Variants in PLEKHA7 observed in about 807,000 individuals in gnomAD.
PLEKHA7 encodes pleckstrin homology domain containing A7, also known as pleckstrin homology domain-containing family A member 7.
Under a neutral mutation model 170.0 loss-of-function variants are expected in PLEKHA7, and 104 were observed. The ratio of observed to expected loss-of-function variants is 0.61; its 90% CI spans 0.52 to 0.72. The LOEUF (loss-of-function observed/expected upper bound fraction) is 0.72, where lower values mean the gene tolerates loss of function less well. PLEKHA7 is among the 30% of genes least tolerant of loss of function. The pLI, the probability that PLEKHA7 is intolerant of heterozygous loss-of-function variation, is 0.00. For synonymous variants in PLEKHA7, 648 were observed against 660.8 expected (o/e 0.98, Z 0.30); for missense variants, 1,615 against 1,671.7 (o/e 0.97, Z 0.59).
At chr11:17,002,875 A>G (rs1168792793) in intron 3 of PLEKHA7, among the ~76,000 whole-genome samples, 15 of 149,808 alleles carry the variant, frequency 1.0e-4, no homozygotes. Flanking sequence ...TCTGTCATCC[A>G]CTCCTTCCCC....
At chr11:16,782,441 C>T (rs1470244367) in intron 26 of PLEKHA7, among the ~76,000 whole-genome samples, 1 of 152,198 alleles carries the variant, frequency 6.6e-6, no homozygotes, top group Non-Finnish European at 1.5e-5. Context: ...CTTGAAAAAC[C>T]TGTTCTTAGC....
intron 25 of PLEKHA7, 78 bp from the exon 26 acceptor site, chr11:16,782,974 T>A: frequency 6.9e-7 from 1 of 1,441,298 alleles, no homozygotes; most frequent in Non-Finnish European, 9.3e-7. Context: ...CTCCCTGGCC[T>A]AGAGGTTCTC....
intron 3 of PLEKHA7, among the ~76,000 whole-genome samples, chr11:16,899,326 C>T (rs1442437631): frequency 3.3e-5 from 5 of 152,224 alleles, no homozygotes; most frequent in South Asian, 2.1e-4. Context: ...GAGAAACCCC[C>T]GTCTCTACTA....
intron 3 of PLEKHA7, among the ~76,000 whole-genome samples, chr11:16,978,212 G>A (rs1863191243): frequency 6.6e-6 from 1 of 152,202 alleles, no homozygotes; most frequent in Admixed American, 6.5e-5. Context: ...GTAAGAGAGG[G>A]AGAATCAGCC....
chr11:16,987,277 T>C (rs1863793107), intron 3 of PLEKHA7, among the ~76,000 whole-genome samples: 1 of 94,058 alleles, frequency 1.1e-5, no homozygotes, highest in South Asian at 3.9e-4. Context: ...CCCACTGACC[T>C]GGTGGCCAGC....
intron 4 of PLEKHA7, among the ~76,000 whole-genome samples, chr11:16,865,466 A>G (rs575451198): frequency 6.6e-6 from 1 of 152,268 alleles, no homozygotes; most frequent in East Asian, 1.9e-4. Context: ...GCTCATGCCT[A>G]TAATCCCAGC....
chr11:16,890,613 T>C (rs1856545333), intron 3 of PLEKHA7, among the ~76,000 whole-genome samples: 2 of 152,156 alleles, frequency 1.3e-5, no homozygotes, highest in South Asian at 4.1e-4. Flanking sequence ...GTATTAAGAG[T>C]TGTAGGACTG....
chr11:16,929,922 C>A (rs187017520), intron 3 of PLEKHA7, among the ~76,000 whole-genome samples: 2 of 151,700 alleles, frequency 1.3e-5, no homozygotes, highest in African/African-American at 2.4e-5. Flanking sequence ...GAGAATCACT[C>A]GAACCCGGGA....
chr11:16,844,702 T>C (rs1482517833), intron 8 of PLEKHA7, among the ~76,000 whole-genome samples: 1 of 152,214 alleles, frequency 6.6e-6, no homozygotes, highest in Non-Finnish European at 1.5e-5. Flanking sequence ...TAGGATATGG[T>C]TGGTCTCCTG....
At chr11:16,910,084 G>A (rs1456082128) in intron 3 of PLEKHA7, among the ~76,000 whole-genome samples, 1 of 152,152 alleles carries the variant, frequency 6.6e-6, no homozygotes, top group East Asian at 1.9e-4. Flanking sequence ...GTCTAGAATT[G>A]CTGTGCTGAG....
intron 9 of PLEKHA7, among the ~76,000 whole-genome samples, chr11:16,837,808 C>G (rs1255183652): frequency 6.6e-6 from 1 of 151,982 alleles, no homozygotes; most frequent in Non-Finnish European, 1.5e-5. Flanking sequence ...TGATCTTCAC[C>G]AGGAAAAAGG....
At position 17,011,551 on chromosome 11, in the gene PLEKHA7, G is replaced by C. The variant is rs1214173150; in HGVS notation, c.221+2438C>G. Among the ~76,000 whole-genome samples, 6 of 152,074 alleles carry C rather than the reference G, an allele frequency of 3.9e-5. No individual in the cohort carries two copies. In the East Asian group the frequency reaches 1.2e-3, roughly 29 times the overall value. On this transcript the variant is annotated intron_variant, in intron 3 of 26. Transcript: ENST00000531066. ...CTTCCACCTACTCCAGTCAGATTTTGTCCTTTAAGGCTTCTGTGACCATGC... is the reference window on the plus strand; with the variant it reads ...CTTCCACCTACTCCAGTCAGATTTTCTCCTTTAAGGCTTCTGTGACCATGC...
At chr11:17,005,043 T>G (rs1442071601) in intron 3 of PLEKHA7, among the ~76,000 whole-genome samples, 2 of 152,180 alleles carry the variant, frequency 1.3e-5, no homozygotes, top group Non-Finnish European at 2.9e-5. Context: ...CTCACTGAAT[T>G]GCCAAATATT....
chr11:16,980,890 AAAC>A (rs1158214554), intron 3 of PLEKHA7, among the ~76,000 whole-genome samples: 3 of 149,768 alleles, frequency 2.0e-5, no homozygotes, highest in Admixed American at 6.6e-5. Context: ...TCCATCTCAA[AAAC>A]AACAACAAAC....
At chr11:16,944,631 T>G (rs184793419) in intron 3 of PLEKHA7, among the ~76,000 whole-genome samples, 1 of 152,038 alleles carries the variant, frequency 6.6e-6, no homozygotes, top group African/African-American at 2.4e-5. Flanking sequence ...ATTCACTGAA[T>G]TGGACTGCTG....
chr11:16,952,335 C>T lies in PLEKHA7; in HGVS notation c.221+61654G>A, dbSNP rs571021889. ...CCACTGTTGCCTGGAATAAAAATGA[C>T]GGCAAAACTCAAGCAGCCATATTAA... On this transcript the variant is annotated intron_variant, in intron 3 of 26. Transcript: ENST00000531066. 1.9e-4 allele frequency among the ~76,000 whole-genome samples: 29 copies of T among 152,166 alleles called. 1 individual carries two copies. In the South Asian group the frequency reaches 5.6e-3, roughly 29 times the overall value.
At chr11:16,828,396 G>A (rs1590247202) in intron 9 of PLEKHA7, among the ~76,000 whole-genome samples, 1 of 152,154 alleles carries the variant, frequency 6.6e-6, no homozygotes, top group African/African-American at 2.4e-5. Flanking sequence ...ATGATTGTAA[G>A]TTTCTTGAGG....
At chr11:16,986,932 G>A (rs948442046) in intron 3 of PLEKHA7, among the ~76,000 whole-genome samples, 1 of 152,340 alleles carries the variant, frequency 6.6e-6, no homozygotes, top group Admixed American at 6.5e-5. Flanking sequence ...GGTCCAAGCA[G>A]GTACTGCAGA....
rs760103039 is a variant in PLEKHA7, at chr11:16,786,380, C to T, written c.3365G>A (p.Arg1122His). ...CAACTGCAGGTCAAAGTCCTGCTCACGCTTCCACTGGCAACAGAACAAGAG... is the reference window on the plus strand; with the variant it reads ...CAACTGCAGGTCAAAGTCCTGCTCATGCTTCCACTGGCAACAGAACAAGAG... The part of the protein sequence containing the change: ...PLPGDLGSWK[R>H]EQDFDLQLLE... Residue 1122 changes from arginine to histidine, a missense_variant, in exon 24 of 27, where the codon CGT (arginine) becomes CAT (histidine). Physicochemically the swap from Arg to His is conservative, Grantham distance 29. Transcript: ENST00000531066. The T allele has an allele frequency of 2.9e-5, 44 of 1,536,038 alleles. No homozygotes were observed. Among genetic ancestry groups the T allele is most frequent in the East Asian group, 2.4e-4 (10 of 40,934 alleles).
Sources: allele counts gnomAD v4.1 joint callset (sites outside exome capture counted in the v4.1 genomes callset), GRCh38; gene constraint gnomAD v4.1.1; transcripts MANE v1.5; gene names NCBI Gene and HGNC (gene_info 2026-07-23, HGNC 2026-07-21).